The following PSMA3 variants were observed in gnomAD, a reference collection of about 807,000 sequenced individuals.
PSMA3 encodes proteasome 20S subunit alpha 3, also known as proteasome subunit alpha type-3.
Under a neutral mutation model 40.0 loss-of-function variants are expected in PSMA3, and 8 were observed. That is an observed-to-expected ratio of 0.20 (90% confidence interval 0.12 to 0.36). The LOEUF is 0.36. Among genes scored for constraint, PSMA3 ranks in the 10% least tolerant of loss-of-function variants. PSMA3 has a pLI of 1.00. For missense variants in PSMA3, 219 were observed against 310.6 expected (o/e 0.70, Z 2.22); for synonymous variants, 110 against 100.0 (o/e 1.10, Z -0.59).
At chr14:58,265,048 C>T (rs560245840) in intron 7 of PSMA3, 1 of 152,184 alleles carries the variant, frequency 6.6e-6, no homozygotes, top group Non-Finnish European at 1.5e-5. Context: ...ACTGCTTGAG[C>T]CCAGTAGTTC....
chr14:58,262,790 T>C (rs1037529119), intron 6 of PSMA3, among the ~76,000 whole-genome samples: 1 of 151,838 alleles, frequency 6.6e-6, no homozygotes, highest in African/African-American at 2.4e-5. Context: ...CTGGAACTCC[T>C]GGCCTCAAGT....
intron 6 of PSMA3, among the ~76,000 whole-genome samples, chr14:58,262,505 C>T (rs188332857): frequency 6.6e-6 from 1 of 152,142 alleles, no homozygotes; most frequent in Non-Finnish European, 1.5e-5. Flanking sequence ...CTTGCCCTGC[C>T]TTCCCTTTTA....
chr14:58,267,207 G>A (rs1389023594), intron 7 of PSMA3: 3 of 261,094 alleles, frequency 1.1e-5, no homozygotes, highest in Non-Finnish European at 1.9e-5. Context: ...TCACCATGTT[G>A]GTCAGGCTGG....
At chr14:58,267,601 C>T in intron 8 of PSMA3, 81 bp downstream of exon 8, 2 of 1,346,024 alleles carry the variant, frequency 1.5e-6, no homozygotes, top group East Asian at 2.8e-5. Context: ...TCCTAAGAAG[C>T]TGTTTTCCTG....
intron 3 of PSMA3, among the ~76,000 whole-genome samples, chr14:58,257,444 G>A (rs1224110179): frequency 6.6e-6 from 1 of 152,004 alleles, no homozygotes; most frequent in Non-Finnish European, 1.5e-5. Context: ...TGTGAAGTGA[G>A]CGGAGATCAT....
Position 58,263,757 on chromosome 14 carries a change from T to C in PSMA3, c.530T>C (p.Ile177Thr). The change falls in exon 7 of 11, where the codon ATA (isoleucine) becomes ACA (threonine). Residue 177 changes from isoleucine to threonine, a missense_variant. By Grantham distance (89) the Ile-to-Thr change is moderately conservative. Coordinates refer to ENST00000216455, the MANE Select transcript of PSMA3 (RefSeq NM_002788.4). Reference sequence around the variant, plus strand: ...GCCAGGCAAGCTGCAAAGACGGAAATAGAGAAGCTTCAGGTAATAATTAAT... The same window carrying C: ...GCCAGGCAAGCTGCAAAGACGGAAACAGAGAAGCTTCAGGTAATAATTAAT... ...GKARQAAKTE[I>T]EKLQMKEMTC... 6.2e-7 allele frequency: 1 copy of C among 1,613,786 alleles called. No homozygotes were observed. Among genetic ancestry groups the C allele is most frequent in the Non-Finnish European group, 8.5e-7 (1 of 1,179,854 alleles).
intron 6 of PSMA3, among the ~76,000 whole-genome samples, chr14:58,262,632 G>C (rs535096641): frequency 6.7e-6 from 1 of 149,612 alleles, no homozygotes; most frequent in African/African-American, 2.5e-5. Context: ...GTGCAATCTT[G>C]GCTCACTGTA....
At chr14:58,250,472 T>G (rs1215319791) in intron 2 of PSMA3, among the ~76,000 whole-genome samples, 5 of 151,870 alleles carry the variant, frequency 3.3e-5, no homozygotes, top group Admixed American at 1.3e-4. Context: ...AACATGAGGT[T>G]TTTGAAGGTT....
intron 3 of PSMA3, among the ~76,000 whole-genome samples, chr14:58,254,969 C>T (rs183420717): frequency 2.1e-4 from 32 of 151,918 alleles, no homozygotes; most frequent in Admixed American, 3.3e-4. Context: ...TACTGGGTAG[C>T]GTAGGAAAAA....
intron 8 of PSMA3, 99 bp downstream of exon 8, chr14:58,267,619 ACTTAGTG>A: frequency 7.6e-7 from 1 of 1,315,028 alleles, no homozygotes. Flanking sequence ...CTGTAAAATA[ACTTAGTG>A]TATAATTTTT....
At chr14:58,252,344 G>A in intron 3 of PSMA3, 102 bp downstream of exon 3, 1 of 1,403,632 alleles carries the variant, frequency 7.1e-7, no homozygotes, top group Non-Finnish European at 9.6e-7. Flanking sequence ...ATCAGAGCAA[G>A]TTACTGCATT....
At chr14:58,256,867 C>A (rs1890156138) in intron 3 of PSMA3, among the ~76,000 whole-genome samples, 1 of 151,218 alleles carries the variant, frequency 6.6e-6, no homozygotes, top group South Asian at 2.1e-4. Flanking sequence ...ACCCATAATC[C>A]CAACATTTTG....
chr14:58,259,091 C>G (rs904904510), intron 5 of PSMA3, among the ~76,000 whole-genome samples: 3 of 152,080 alleles, frequency 2.0e-5, no homozygotes, highest in Non-Finnish European at 4.4e-5. Context: ...CCATGCCTGG[C>G]TAATTAACAA....
At chr14:58,270,693 A>G (rs1890589367) in intron 9 of PSMA3, among the ~76,000 whole-genome samples, 1 of 152,250 alleles carries the variant, frequency 6.6e-6, no homozygotes, top group East Asian at 1.9e-4. Context: ...ACTATGCTAT[A>G]AATTAATGCT....
intron 5 of PSMA3, 53 bp from the exon 6 acceptor site, chr14:58,260,895 A>G: frequency 7.7e-7 from 1 of 1,301,018 alleles, no homozygotes; most frequent in South Asian, 1.3e-5. Context: ...ATTTTTTCAC[A>G]AATACTTTTA....
chr14:58,252,060 A>G, intron 2 of PSMA3, 59 bp from the exon 3 acceptor site: 2 of 1,531,100 alleles, frequency 1.3e-6, no homozygotes, highest in Non-Finnish European at 1.8e-6. Context: ...GTTAAACTTA[A>G]GTTTATGAAG....
intron 6 of PSMA3, among the ~76,000 whole-genome samples, chr14:58,261,506 C>T (rs753012453): frequency 3.9e-5 from 6 of 152,022 alleles, no homozygotes; most frequent in African/African-American, 1.2e-4. Flanking sequence ...ATAACTGATA[C>T]GAGGCAGAGG....
At chr14:58,250,719 A>G (rs1285812251) in intron 2 of PSMA3, among the ~76,000 whole-genome samples, 2 of 152,198 alleles carry the variant, frequency 1.3e-5, no homozygotes, top group Non-Finnish European at 2.9e-5. Flanking sequence ...GAATAACACA[A>G]TTCCCCTGCT....
rs1042079775 is a variant in PSMA3, at chr14:58,271,961, G to A, written c.*66G>A. The stretch of plus-strand genomic sequence containing the variant: ...AGTCCAATGTAACTATTTAGCCCTG[G>A]ATTATACATACTGTCCAATTTTCAT... On this transcript the variant is annotated 3_prime_UTR_variant, in exon 11 of 11. Transcript: ENST00000216455. 6 of 1,179,018 alleles carry A rather than the reference G, an allele frequency of 5.1e-6. No individual in the cohort carries two copies. The highest frequency in any genetic ancestry group is 3.8e-5 in the Admixed American group (2 of 52,994). The allele number at this position is 1,179,018 out of a possible 1,614,324, so 73.0% of individuals were successfully genotyped here. A position where few individuals can be genotyped will look rare whatever the true frequency, so the allele number is the denominator to read the frequency against.
Sources: allele counts gnomAD v4.1 joint callset (sites outside exome capture counted in the v4.1 genomes callset), GRCh38; gene constraint gnomAD v4.1.1; transcripts MANE v1.5; gene names NCBI Gene and HGNC (gene_info 2026-07-23, HGNC 2026-07-21).